HIP1: variants seen among roughly 807,000 people sequenced by gnomAD.
HIP1 encodes huntingtin-interacting protein 1.
In HIP1, 65 loss-of-function variants were observed where a neutral mutation model predicts 147.6. The observed-to-expected ratio is 0.44, with a 90% confidence interval of 0.36 to 0.54. The LOEUF (loss-of-function observed/expected upper bound fraction) is 0.54, where lower values mean the gene tolerates loss of function less well. HIP1 is among the 20% of genes least tolerant of loss of function. The pLI is 0.00. For missense variants in HIP1, 1,061 were observed against 1,299.6 expected, an observed-to-expected ratio of 0.82 and a Z score of 2.82; for synonymous variants, 479 against 504.0, an observed-to-expected ratio of 0.95 and a Z score of 0.67.
intron 1 of HIP1, among the ~76,000 whole-genome samples, chr7:75,696,475 CCTT>C (rs1349135385): frequency 6.6e-6 from 1 of 150,634 alleles, no homozygotes; most frequent in East Asian, 2.0e-4. Context: ...TCCTTCCTTT[CCTT>C]CCTTTCCTTT....
intron 14 of HIP1, among the ~76,000 whole-genome samples, chr7:75,559,205 C>A (rs987298717): frequency 6.6e-6 from 1 of 152,152 alleles, no homozygotes; most frequent in Admixed American, 6.6e-5. Flanking sequence ...GCCTTGAATT[C>A]CTGGGCTCAA....
At position 75,562,083 on chromosome 7, in the gene HIP1, T is replaced by G; in HGVS notation, c.1108A>C (p.Lys370Gln). The change falls in exon 12 of 31, where the codon AAG (lysine) becomes CAG (glutamine). Residue 370 changes from lysine to glutamine, a missense_variant. By Grantham distance (53) the Lys-to-Gln change is moderately conservative. Around this residue, in one of 3 missense-constraint regions of HIP1, gnomAD observed 810 missense variants for 946.8 expected, o/e 0.86. Transcript: ENST00000336926. ...CCAGCTTGGACTCACTTCTCATCCT[T>G]GTTCACACCATTTTGACTGTTGAAA... Reference protein sequence around the residue: ...FNFNSQNGVNKDEKDHLIERL... With the variant: ...FNFNSQNGVNQDEKDHLIERL... 6.2e-7 allele frequency: 1 copy of G among 1,607,216 alleles called. No individual in the cohort carries two copies. The highest frequency in any genetic ancestry group is 8.5e-7 in the Non-Finnish European group (1 of 1,173,690).
At chr7:75,685,541 A>G (rs1410083359) in intron 1 of HIP1, among the ~76,000 whole-genome samples, 2 of 151,856 alleles carry the variant, frequency 1.3e-5, no homozygotes, top group Non-Finnish European at 2.9e-5. Flanking sequence ...CTGATTCCCA[A>G]TTCTTTGTCA....
chr7:75,559,931 G>C lies in HIP1; in HGVS notation c.1192-16C>G, dbSNP rs782692840. The C allele has an allele frequency of 6.3e-7, 1 of 1,578,852 alleles. No homozygotes were observed. The highest frequency in any genetic ancestry group is 1.8e-5 in the Admixed American group (1 of 54,436). ...CCCGCTGGCTCTGTGGGGGGACTCC[G>C]GTCATGAGGCCAACCGCCCACTGCC... On this transcript the variant is annotated splice_polypyrimidine_tract_variant and intron_variant, in intron 13 of 30. Coordinates refer to ENST00000336926, the MANE Select transcript of HIP1 (RefSeq NM_005338.7).
rs562864904 is a variant in HIP1, at chr7:75,696,114, C to T, written c.120+42687G>A. On this transcript the variant is annotated intron_variant, in intron 1 of 30. Transcript: ENST00000336926. ...CAATCCTCCTGCCTCACTCAGCCTCCCGAGTAGATGGGACAGGTGTGAGCC... is the reference window on the plus strand; with the variant it reads ...CAATCCTCCTGCCTCACTCAGCCTCTCGAGTAGATGGGACAGGTGTGAGCC... Among the ~76,000 whole-genome samples, 146 of 152,030 alleles carry T rather than the reference C, an allele frequency of 9.6e-4. 1 individual carries two copies. Among genetic ancestry groups the T allele is most frequent in the Non-Finnish European group, 1.6e-3 (112 of 67,996 alleles).
At chr7:75,548,853 A>G in intron 23 of HIP1, 38 bp downstream of exon 23, 1 of 1,427,610 alleles carries the variant, frequency 7.0e-7, no homozygotes, top group African/African-American at 1.4e-5. Flanking sequence ...GGCAGCTGCA[A>G]AGGCATCGTT....
intron 2 of HIP1, among the ~76,000 whole-genome samples, chr7:75,593,980 A>G (rs1796594880): frequency 6.6e-6 from 1 of 151,570 alleles, no homozygotes; most frequent in Non-Finnish European, 1.5e-5. Context: ...GTCAGTTTGC[A>G]TGTAATAAAT....
chr7:75,540,618 G>GA (rs1195815961), intron 29 of HIP1, among the ~76,000 whole-genome samples: 21 of 149,600 alleles, frequency 1.4e-4, no homozygotes, highest in Middle Eastern at 3.4e-3. Context: ...CTCAAAAAAA[G>GA]AAAAAAAAAT....
chr7:75,590,581 C>T (rs1479859535), intron 4 of HIP1, among the ~76,000 whole-genome samples: 2 of 151,944 alleles, frequency 1.3e-5, no homozygotes, highest in East Asian at 3.9e-4. Context: ...AGACTAAATG[C>T]CCAGTTAAAA....
At chr7:75,591,266 C>T (rs948708299) in intron 4 of HIP1, among the ~76,000 whole-genome samples, 9 of 152,108 alleles carry the variant, frequency 5.9e-5, no homozygotes, top group Admixed American at 6.6e-5. Flanking sequence ...CTCCTGGCCT[C>T]AGGTGATCTG....
intron 1 of HIP1, among the ~76,000 whole-genome samples, chr7:75,682,446 G>A (rs1301487358): frequency 1.3e-5 from 2 of 150,332 alleles, no homozygotes; most frequent in African/African-American, 4.9e-5. Flanking sequence ...TTTTTCTAAA[G>A]GTGGGATCTC....
chr7:75,539,438 G>C lies in HIP1; in HGVS notation c.2953-7C>G, dbSNP rs1554489443. On this transcript the variant is annotated splice_polypyrimidine_tract_variant and splice_region_variant and intron_variant, in intron 29 of 30. Coordinates refer to ENST00000336926, the MANE Select transcript of HIP1 (RefSeq NM_005338.7). Reference sequence around the variant, plus strand: ...CTAGCTCTAGCACCCTAACCTGTAAGGGAAATTAAGTGGGATTTTCTCTTA... The same window carrying C: ...CTAGCTCTAGCACCCTAACCTGTAACGGAAATTAAGTGGGATTTTCTCTTA... The C allele has an allele frequency of 1.2e-6, 2 of 1,601,382 alleles. No homozygotes were observed.
intron 1 of HIP1, among the ~76,000 whole-genome samples, chr7:75,673,820 CAAA>C (rs71098060): frequency 9.6e-6 from 1 of 104,350 alleles, no homozygotes. Context: ...CCTATCTCTA[CAAA>C]AAAAAAAAAA....
In HIP1 at chr7:75,545,156, C is replaced by T. The variant is rs1563191142; in HGVS notation, c.2592G>A (p.Lys864=). 2 of 1,610,922 alleles carry T rather than the reference C, an allele frequency of 1.2e-6. No individual in the cohort carries two copies. The highest frequency in any genetic ancestry group is 1.7e-6 in the Non-Finnish European group (2 of 1,178,826). The change falls in exon 26 of 31, where the codon AAG becomes AAA. Residue 864 remains lysine, a synonymous_variant. Coordinates refer to ENST00000336926, the MANE Select transcript of HIP1 (RefSeq NM_005338.7). ...GTASPKEFYA[K]NSRWTEGLIS... is the part of the protein sequence containing the mutation. ...TAAGTCCTTCTGTCCATCGAGAGTTCTTGGCATAAAACTCTTTAGGGGATG... is the reference window on the plus strand; with the variant it reads ...TAAGTCCTTCTGTCCATCGAGAGTTTTTGGCATAAAACTCTTTAGGGGATG...
At chr7:75,607,205 C>CA (rs587733419) in intron 1 of HIP1, among the ~76,000 whole-genome samples, 100 of 127,944 alleles carry the variant, frequency 7.8e-4, no homozygotes, top group Non-Finnish European at 1.0e-3. Context: ...ACCATCTCTA[C>CA]AAAAAAAAAA....
At chr7:75,647,766 T>G (rs556459228) in intron 1 of HIP1, among the ~76,000 whole-genome samples, 25 of 152,244 alleles carry the variant, frequency 1.6e-4, no homozygotes, top group Admixed American at 1.0e-3. Flanking sequence ...TGTCCCCATT[T>G]AGGGAGGCAC....
intron 2 of HIP1, among the ~76,000 whole-genome samples, chr7:75,595,298 C>CTCTTTCTTTCTG (rs1554501767): frequency 8.9e-6 from 1 of 112,518 alleles, no homozygotes; most frequent in South Asian, 3.1e-4. Flanking sequence ...CTTTCTTTCT[C>CTCTTTCTTTCTG]TCTCTCCCTT....
At chr7:75,715,509 C>T (rs956797160) in intron 1 of HIP1, among the ~76,000 whole-genome samples, 1 of 151,186 alleles carries the variant, frequency 6.6e-6, no homozygotes, top group African/African-American at 2.4e-5. Flanking sequence ...TGATGGCTCA[C>T]ACCTGTAATC....
chr7:75,561,193 ATCC>A, intron 13 of HIP1, 133 bp downstream of exon 13: 1 of 741,268 alleles, frequency 1.3e-6, no homozygotes, highest in Non-Finnish European at 2.5e-6. Flanking sequence ...ACCTCAGGTA[ATCC>A]TCCTGCCTTG....
Sources: gnomAD v4.1 joint callset for allele counts (sites outside exome capture counted in the v4.1 genomes callset) on GRCh38, gnomAD v4.1.1 for gene constraint, gnomAD v4.1.1 regional missense constraint, MANE v1.5 for transcripts, NCBI Gene and HGNC (gene_info 2026-07-23, HGNC 2026-07-21) for gene names.